PDCD2: variants seen among roughly 807,000 people sequenced by gnomAD.
PDCD2 encodes programmed cell death 2.
In PDCD2, 38 loss-of-function variants were observed where a neutral mutation model predicts 38.1. That is an observed-to-expected ratio of 1.00 (90% confidence interval 0.77 to 1.31). The LOEUF (loss-of-function observed/expected upper bound fraction) is 1.31. Ranked by LOEUF, PDCD2 falls within the 50% of genes most tolerant of loss-of-function variation. The probability of loss-of-function intolerance (pLI) is 0.00; values close to 1 mark genes in which losing one functional copy is unlikely to be tolerated. For synonymous variants in PDCD2, 205 were observed against 168.9 expected (o/e 1.21, Z -1.66); for missense variants, 473 against 435.7 (o/e 1.09, Z -0.76).
Position 170,584,583 on chromosome 6 carries a change from C to G in PDCD2, c.-2G>C, listed in dbSNP as rs1195453625. On this transcript the variant is annotated 5_prime_UTR_variant, in exon 1 of 6. Transcript: ENST00000541970. Reference sequence around the variant, plus strand: ...AGGCCTGGCCCCGGCGGCAGCCATGCGGGGCGCGGGCTGGCGTGGGGCGCA... The same window carrying G: ...AGGCCTGGCCCCGGCGGCAGCCATGGGGGGCGCGGGCTGGCGTGGGGCGCA... 1.3e-5 allele frequency: 17 copies of G among 1,264,582 alleles called. No homozygotes were observed. In the East Asian group the frequency reaches 4.8e-4, roughly 36 times the overall value. The allele number at this position is 1,264,582 out of a possible 1,614,324, so 78.3% of individuals were successfully genotyped here. A position where few individuals can be genotyped will look rare whatever the true frequency, so the allele number is the denominator to read the frequency against.
Position 170,577,525 on chromosome 6 carries a change from G to A in PDCD2, c.*34C>T. The stretch of plus-strand genomic sequence containing the variant: ...AGAAATGGAATTGCAAGGTATAAAA[G>A]ATTATTAACATTTTTCAAGGCTTTA... On this transcript the variant is annotated 3_prime_UTR_variant, in exon 6 of 6. Transcript: ENST00000541970. 4 of 1,574,330 alleles carry A rather than the reference G, an allele frequency of 2.5e-6. No homozygotes were observed. Among genetic ancestry groups the A allele is most frequent in the Non-Finnish European group, 2.6e-6 (3 of 1,146,486 alleles).
At chr6:170,582,257 A>AT (rs2115015811) in intron 3 of PDCD2, 1 of 1,466,418 alleles carries the variant, frequency 6.8e-7, no homozygotes, top group South Asian at 1.2e-5. Flanking sequence ...GTTGCTTCCC[A>AT]TTATATCCCT....
At position 170,583,671 on chromosome 6, in the gene PDCD2, T is replaced by A. The variant is rs73258640; in HGVS notation, c.360A>T (p.Thr120=). 1.9e-3 allele frequency: 3,095 copies of A among 1,613,992 alleles called. 53 individuals carry two copies. The African/African-American group carries it at 0.037, about 20-fold the overall frequency. ...EPPSENPPPE[T]GESVCLQLKS... ...TAAGCTGGAGACACACTGATTCTCC[T>A]GTTTCTGGGGGAGGATTCTCAGAAG... The change falls in exon 2 of 6, where the codon ACA becomes ACT. Residue 120 remains threonine, a synonymous_variant. Coordinates refer to ENST00000541970, the MANE Select transcript of PDCD2 (RefSeq NM_002598.4).
chr6:170,582,931 G>A, intron 3 of PDCD2, 126 bp downstream of exon 3: 1 of 1,495,892 alleles, frequency 6.7e-7, no homozygotes, highest in Admixed American at 2.4e-5. Context: ...GGCAATATCT[G>A]AAAATTGTAT....
chr6:170,584,595 T>C lies in PDCD2; in HGVS notation c.-14A>G, dbSNP rs1455155471. On this transcript the variant is annotated 5_prime_UTR_variant, in exon 1 of 6. Transcript: ENST00000541970. Reference sequence around the variant, plus strand: ...GGCGGCAGCCATGCGGGGCGCGGGCTGGCGTGGGGCGCAGCCCACAGCTGG... The same window carrying C: ...GGCGGCAGCCATGCGGGGCGCGGGCCGGCGTGGGGCGCAGCCCACAGCTGG... 14 of 1,251,534 alleles carry C rather than the reference T, an allele frequency of 1.1e-5. No individual in the cohort carries two copies. Among genetic ancestry groups the C allele is most frequent in the Non-Finnish European group, 1.4e-5 (14 of 996,464 alleles). The allele number at this position is 1,251,534 out of a possible 1,614,324, so 77.5% of individuals were successfully genotyped here.
chr6:170,578,595 G>T (rs1028290563), intron 5 of PDCD2: 3 of 702,804 alleles, frequency 4.3e-6, no homozygotes, highest in Non-Finnish European at 7.8e-6. Flanking sequence ...CACACTGGAG[G>T]TGGAGAGCAG....
intron 3 of PDCD2, chr6:170,582,170 G>A (rs1779627571): frequency 6.6e-7 from 1 of 1,514,858 alleles, no homozygotes; most frequent in Non-Finnish European, 8.9e-7. Context: ...ACTCTTATCA[G>A]TCATTATATG....
rs1474662308 is a variant in PDCD2, at chr6:170,575,863, A to G, written c.*1696T>C. 1 of 152,228 alleles carries G rather than the reference A, an allele frequency of 6.6e-6. No individual in the cohort carries two copies. Among genetic ancestry groups the G allele is most frequent in the Non-Finnish European group, 1.5e-5 (1 of 68,044 alleles). 9.4% of individuals were successfully genotyped at this position (152,228 alleles called of 1,614,324 possible). The stretch of plus-strand genomic sequence containing the variant: ...CCACATCATCTGGTGATGTCCCCAA[A>G]TAACAGTTTTTACCATAGAAAGATC... On this transcript the variant is annotated 3_prime_UTR_variant, in exon 6 of 6. Coordinates refer to ENST00000541970, the MANE Select transcript of PDCD2 (RefSeq NM_002598.4).
rs746499515 is a variant in PDCD2, at chr6:170,578,839, C to G, written c.876+18G>C. Reference sequence around the variant, plus strand: ...TCATGGTGATTACACACTAAATGGTCCTTATTTAAGGTCATACCTGGAATT... The same window carrying G: ...TCATGGTGATTACACACTAAATGGTGCTTATTTAAGGTCATACCTGGAATT... On this transcript the variant is annotated intron_variant, in intron 5 of 5. Coordinates refer to ENST00000541970, the MANE Select transcript of PDCD2 (RefSeq NM_002598.4). The G allele has an allele frequency of 8.5e-5, 119 of 1,402,478 alleles. No homozygotes were observed. The highest frequency in any genetic ancestry group is 1.2e-4 in the Non-Finnish European group (116 of 987,578). 86.9% of individuals were successfully genotyped at this position (1,402,478 alleles called of 1,614,324 possible). A position where few individuals can be genotyped will look rare whatever the true frequency, so the allele number is the denominator to read the frequency against.
At chr6:170,579,902 A>T (rs148368539) in intron 4 of PDCD2, 100 bp downstream of exon 4, 1 of 701,836 alleles carries the variant, frequency 1.4e-6, no homozygotes, top group East Asian at 2.5e-5. Context: ...TAGGCTCCTA[A>T]GGAACAGACT....
intron 4 of PDCD2, chr6:170,579,557 C>G (rs1340978517): frequency 6.4e-6 from 1 of 155,180 alleles, no homozygotes. Flanking sequence ...GTTTAGTTTT[C>G]TTTCGTGATT....
chr6:170,584,149 G>A, intron 1 of PDCD2, 150 bp downstream of exon 1: 1 of 846,574 alleles, frequency 1.2e-6, no homozygotes, highest in South Asian at 3.2e-5. Context: ...GGAAGGGCCC[G>A]GGAGAAGGTG....
chr6:170,581,167 A>G (rs1245410778), intron 3 of PDCD2: 3 of 152,190 alleles, frequency 2.0e-5, no homozygotes, highest in Admixed American at 6.5e-5. Context: ...GAACCGCCAC[A>G]TATCATTAAT....
chr6:170,578,468 A>G, intron 5 of PDCD2: 1 of 599,032 alleles, frequency 1.7e-6, no homozygotes, highest in Non-Finnish European at 2.9e-6. Context: ...ATTAAACAGT[A>G]AAGACTCCTC....
In PDCD2 at chr6:170,578,840, C is replaced by T. The variant is rs757256354; in HGVS notation, c.876+17G>A. On this transcript the variant is annotated intron_variant, in intron 5 of 5. Transcript: ENST00000541970. The stretch of plus-strand genomic sequence containing the variant: ...CATGGTGATTACACACTAAATGGTC[C>T]TTATTTAAGGTCATACCTGGAATTC... The T allele has an allele frequency of 1.7e-5, 24 of 1,425,714 alleles. No homozygotes were observed. Among genetic ancestry groups the T allele is most frequent in the African/African-American group, 4.2e-5 (3 of 71,010 alleles). 88.3% of individuals were successfully genotyped at this position (1,425,714 alleles called of 1,614,324 possible).
chr6:170,576,601 TAA>T lies in PDCD2; in HGVS notation c.*956_*957del, dbSNP rs1779457545. 6.6e-6 allele frequency: 1 copy of T among 152,212 alleles called. No homozygotes were observed. The highest frequency in any genetic ancestry group is 6.5e-5 in the Admixed American group (1 of 15,280). The allele number at this position is 152,212 out of a possible 1,614,324, so 9.4% of individuals were successfully genotyped here. On this transcript the variant is annotated 3_prime_UTR_variant, in exon 6 of 6. Transcript: ENST00000541970. ...AGTGTAGTCTTAGGAGCCGCTTGCT[TAA>T]ACAGATGTATCAGAAACATAATAGG...
intron 3 of PDCD2, chr6:170,581,989 C>A (rs1779618704): frequency 1.3e-6 from 1 of 785,392 alleles, no homozygotes; most frequent in African/African-American, 1.8e-5. Context: ...ACTAACAAGG[C>A]ATATTTGAAG....
At chr6:170,582,635 C>A in intron 3 of PDCD2, 1 of 1,245,052 alleles carries the variant, frequency 8.0e-7, no homozygotes, top group Non-Finnish European at 1.0e-6. Context: ...AAGTACTACC[C>A]AAGAGTATGC....
Position 170,584,565 on chromosome 6 carries a change from GCCC to G in PDCD2, c.14_16del (p.Gly5del). 7.8e-7 allele frequency: 1 copy of G among 1,286,938 alleles called. No homozygotes were observed. The highest frequency in any genetic ancestry group is 9.8e-7 in the Non-Finnish European group (1 of 1,020,384). 79.7% of individuals were successfully genotyped at this position (1,286,938 alleles called of 1,614,324 possible). Reference sequence around the variant, plus strand: ...GGCGAAGCCCAGCTCCACAGGCCTGGCCCCGGCGGCAGCCATGCGGGGCGCGGG... The same window carrying G: ...GGCGAAGCCCAGCTCCACAGGCCTGGCGGCGGCAGCCATGCGGGGCGCGGG... On this transcript the variant is annotated inframe_deletion, in exon 1 of 6. Coordinates refer to ENST00000541970, the MANE Select transcript of PDCD2 (RefSeq NM_002598.4).
Sources: gnomAD v4.1 joint callset for allele counts on GRCh38, gnomAD v4.1.1 for gene constraint, MANE v1.5 for transcripts, NCBI Gene and HGNC (gene_info 2026-07-23, HGNC 2026-07-21) for gene names.